The following ADGRA3 variants were observed in gnomAD, a reference collection of about 807,000 sequenced individuals.
ADGRA3 encodes G-protein coupled receptor 125.
ADGRA3 carries 56 observed loss-of-function variants against 119.8 expected under a neutral mutation model. That is an observed-to-expected ratio of 0.47 (90% confidence interval 0.38 to 0.58). The LOEUF is 0.58. Ranked by LOEUF, ADGRA3 falls within the 20% of genes least tolerant of loss-of-function variation. The pLI, the probability that ADGRA3 is intolerant of heterozygous loss-of-function variation, is 0.00. For missense variants in ADGRA3, 1,516 were observed against 1,649.0 expected, an observed-to-expected ratio of 0.92 and a Z score of 1.40; for synonymous variants, 607 against 623.8, an observed-to-expected ratio of 0.97 and a Z score of 0.40.
rs1264172149 is a variant in ADGRA3, at chr4:22,445,037, A to C, written c.642T>G (p.Cys214Trp). 5.0e-6 allele frequency: 8 copies of C among 1,613,790 alleles called. No individual in the cohort carries two copies. The highest frequency in any genetic ancestry group is 1.3e-5 in the African/African-American group (1 of 74,894). ...GGGCCTGCAGTGACTTAGGATAAAC[A>C]CACCTGGTATCCCGTACCGTGATGT... Reference protein sequence around the residue: ...EKNITVRDTRCVYPKSLQAQP... With the variant: ...EKNITVRDTRWVYPKSLQAQP... The change falls in exon 6 of 19, where the codon TGT (cysteine) becomes TGG (tryptophan). Residue 214 changes from cysteine (C) to tryptophan (W), a missense_variant. By Grantham distance (215) the Cys-to-Trp change is radical. Coordinates refer to ENST00000334304, the MANE Select transcript of ADGRA3 (RefSeq NM_145290.4).
chr4:22,477,932 C>T (rs777945330), intron 1 of ADGRA3, among the ~76,000 whole-genome samples: 2 of 152,150 alleles, frequency 1.3e-5, no homozygotes, highest in African/African-American at 2.4e-5. Flanking sequence ...TGCATAATAT[C>T]ATGTATTATT....
chr4:22,405,113 TA>T (rs1257141154), intron 14 of ADGRA3, among the ~76,000 whole-genome samples: 3 of 152,070 alleles, frequency 2.0e-5, no homozygotes, highest in Non-Finnish European at 2.9e-5. Flanking sequence ...AGAAAGGTGG[TA>T]AAAGTGCATC....
At chr4:22,504,642 T>C (rs1183048273) in intron 1 of ADGRA3, among the ~76,000 whole-genome samples, 1 of 152,028 alleles carries the variant, frequency 6.6e-6, no homozygotes, top group Non-Finnish European at 1.5e-5. Context: ...GTCCTAGAAA[T>C]GTCTCTTGAT....
intron 10 of ADGRA3, among the ~76,000 whole-genome samples, chr4:22,431,614 T>TA (rs1716173197): frequency 6.6e-6 from 1 of 152,168 alleles, no homozygotes; most frequent in South Asian, 2.1e-4. Flanking sequence ...TGCTGCCATG[T>TA]AAGACATGAC....
intron 4 of ADGRA3, among the ~76,000 whole-genome samples, chr4:22,453,454 G>A (rs746977374): frequency 4.6e-5 from 7 of 152,262 alleles, no homozygotes; most frequent in South Asian, 2.1e-4. Context: ...TATGCAGCAC[G>A]AACATTCTGT....
At chr4:22,407,999 A>C (rs960216283) in intron 14 of ADGRA3, among the ~76,000 whole-genome samples, 1 of 152,128 alleles carries the variant, frequency 6.6e-6, no homozygotes, top group African/African-American at 2.4e-5. Context: ...TTACCATTAA[A>C]ATTTTAAAAT....
At chr4:22,429,003 T>C (rs780535896) in intron 10 of ADGRA3, among the ~76,000 whole-genome samples, 1 of 152,108 alleles carries the variant, frequency 6.6e-6, no homozygotes, top group Non-Finnish European at 1.5e-5. Context: ...TTATTGCACA[T>C]AAGGCATGGC....
intron 1 of ADGRA3, among the ~76,000 whole-genome samples, chr4:22,487,387 A>G (rs7675740): frequency 0.12 from 18,583 of 152,156 alleles, 1,262 homozygotes; most frequent in East Asian, 0.22. Flanking sequence ...GCTCCTTCGC[A>G]TGTGCAATTC....
chr4:22,486,314 G>C (rs1030177059), intron 1 of ADGRA3, among the ~76,000 whole-genome samples: 2 of 152,162 alleles, frequency 1.3e-5, no homozygotes, highest in African/African-American at 4.8e-5. Flanking sequence ...CCTAAAAGTA[G>C]AGCCTCCAAC....
At chr4:22,409,163 C>T (rs376508030) in intron 14 of ADGRA3, among the ~76,000 whole-genome samples, 1 of 152,106 alleles carries the variant, frequency 6.6e-6, no homozygotes, top group East Asian at 1.9e-4. Flanking sequence ...TGTTCTTATA[C>T]ATTCTTTTGT....
At chr4:22,429,826 T>C (rs927443325) in intron 10 of ADGRA3, among the ~76,000 whole-genome samples, 1 of 152,140 alleles carries the variant, frequency 6.6e-6, no homozygotes, top group Non-Finnish European at 1.5e-5. Flanking sequence ...ACATTAGACC[T>C]TTCTCATTAA....
chr4:22,402,647 A>T, intron 15 of ADGRA3, 28 bp downstream of exon 15: 5 of 1,602,098 alleles, frequency 3.1e-6, no homozygotes, highest in Non-Finnish European at 2.6e-6. Context: ...AAGTCCGCAG[A>T]TCTATTTTGT....
intron 2 of ADGRA3, among the ~76,000 whole-genome samples, chr4:22,466,672 C>T (rs1024468058): frequency 2.0e-5 from 3 of 152,050 alleles, no homozygotes; most frequent in African/African-American, 4.8e-5. Flanking sequence ...CGAGATCACA[C>T]CACCGCACTC....
At chr4:22,469,233 A>T (rs9999816) in intron 2 of ADGRA3, among the ~76,000 whole-genome samples, 1,859 of 152,102 alleles carry the variant, frequency 0.012, 52 homozygotes, top group African/African-American at 0.042. Flanking sequence ...CCCCCTCCTA[A>T]TTGGTTTTGC....
rs1226549721 is a variant in ADGRA3 at position 22,387,625 on chromosome 4, A to G, written c.*80T>C. ...TTTTGAATCCCTATGGTGGCTGTAA[A>G]CAGTTTTTAAATGCTCATAGCTTCA... On this transcript the variant is annotated 3_prime_UTR_variant, in exon 19 of 19. Transcript: ENST00000334304. 22 of 1,372,334 alleles carry G rather than the reference A, an allele frequency of 1.6e-5. No homozygotes were observed. The highest frequency in any genetic ancestry group is 1.9e-5 in the Non-Finnish European group (19 of 1,015,684). The allele number at this position is 1,372,334 out of a possible 1,614,324, so 85.0% of individuals were successfully genotyped here. A position where few individuals can be genotyped will look rare whatever the true frequency, so the allele number is the denominator to read the frequency against.
chr4:22,486,421 A>T (rs1318792991), intron 1 of ADGRA3, among the ~76,000 whole-genome samples: 1 of 152,162 alleles, frequency 6.6e-6, no homozygotes, highest in African/African-American at 2.4e-5. Flanking sequence ...TACAACTCAT[A>T]GAAAAAGCTT....
At chr4:22,431,274 CTTGTACTA>C (rs1716159304) in intron 10 of ADGRA3, among the ~76,000 whole-genome samples, 1 of 21,590 alleles carries the variant, frequency 4.6e-5, no homozygotes, top group Non-Finnish European at 1.6e-4. Flanking sequence ...CTGGAAAAGC[CTTGTACTA>C]ATTCTTATAT....
rs1277982905 is a variant in ADGRA3 at position 22,515,803 on chromosome 4, C to G, written c.-19G>C. The G allele has an allele frequency of 2.0e-6, 2 of 994,702 alleles. No individual in the cohort carries two copies. The highest frequency in any genetic ancestry group is 2.4e-6 in the Non-Finnish European group (2 of 839,388). 61.6% of individuals were successfully genotyped at this position (994,702 alleles called of 1,614,324 possible). On this transcript the variant is annotated 5_prime_UTR_variant, in exon 1 of 19. Coordinates refer to ENST00000334304, the MANE Select transcript of ADGRA3 (RefSeq NM_145290.4). The stretch of plus-strand genomic sequence containing the variant: ...GCTCCATGCTGCGGGCCGGGGCCTG[C>G]GGGGCGAGCGGCGGCGCACTGGCCT...
intron 8 of ADGRA3, among the ~76,000 whole-genome samples, chr4:22,438,014 C>T (rs1716462987): frequency 6.6e-6 from 1 of 152,164 alleles, no homozygotes; most frequent in African/African-American, 2.4e-5. Flanking sequence ...CACAACAAAA[C>T]CATTTGTTAA....
Sources: gnomAD v4.1 joint callset for allele counts (sites outside exome capture counted in the v4.1 genomes callset) on GRCh38, gnomAD v4.1.1 for gene constraint, MANE v1.5 for transcripts, NCBI Gene and HGNC (gene_info 2026-07-23, HGNC 2026-07-21) for gene names.